JMJD1C: variants seen among roughly 807,000 people sequenced by gnomAD.
The protein encoded by JMJD1C is jumonji domain-containing protein 1C.
In JMJD1C, 31 loss-of-function variants were observed where a neutral mutation model predicts 245.3. That is an observed-to-expected ratio of 0.13 (90% CI 0.09 to 0.17). JMJD1C has a LOEUF of 0.17. Among genes scored for constraint, JMJD1C ranks in the 10% least tolerant of loss-of-function variants. The pLI is 1.00. For synonymous variants in JMJD1C, 1,057 were observed against 1,017.4 expected (o/e 1.04, Z -0.74); for missense variants, 2,691 against 3,000.2 (o/e 0.90, Z 2.41).
At chr10:63,222,210 G>T in intron 3 of JMJD1C, 1 of 763,668 alleles carries the variant, frequency 1.3e-6, no homozygotes, top group Non-Finnish European at 2.4e-6. Context: ...ACCATGTTCA[G>T]AGGAATTTAT....
At chr10:63,293,616 T>C (rs1449434713) in intron 2 of JMJD1C, among the ~76,000 whole-genome samples, 12 of 152,246 alleles carry the variant, frequency 7.9e-5, no homozygotes, top group Admixed American at 7.8e-4. Context: ...TCTAGCTGTC[T>C]AATTCTGCAT....
intron 1 of JMJD1C, among the ~76,000 whole-genome samples, chr10:63,390,326 C>G (rs1947955628): frequency 6.6e-6 from 1 of 152,008 alleles, no homozygotes; most frequent in African/African-American, 2.4e-5. Context: ...AAGATTGAAT[C>G]AGGAAGAAAT....
At chr10:63,501,604 C>G (rs1381995872) in intron 1 of JMJD1C, among the ~76,000 whole-genome samples, 1 of 152,006 alleles carries the variant, frequency 6.6e-6, no homozygotes, top group Non-Finnish European at 1.5e-5. Flanking sequence ...AGTGAAACCC[C>G]ATCTCTACTA....
Position 63,214,299 on chromosome 10 carries a change from A to G in JMJD1C, c.1868T>C (p.Ile623Thr), listed in dbSNP as rs183692723. 350 of 1,614,050 alleles carry G rather than the reference A, an allele frequency of 2.2e-4. 1 individual carries two copies. In the African/African-American group the frequency reaches 4.0e-3, roughly 18 times the overall value. Residue 623 changes from isoleucine (I) to threonine (T), a missense_variant, in exon 8 of 26, where the codon ATA becomes ACA. By Grantham distance (89) the Ile-to-Thr change is moderately conservative. Transcript: ENST00000399262. ...LHKRSPPPETIKSKLNTSVDT... is the reference protein window; with the variant it reads ...LHKRSPPPETTKSKLNTSVDT... The stretch of plus-strand genomic sequence containing the variant: ...TACTGAAGTATTAAGTTTAGATTTT[A>G]TAGTCTCTGGAGGTGGACTTCGCTT...
In JMJD1C at chr10:63,296,013, A is replaced by ATATATATATT. The variant is rs71025149; in HGVS notation, c.334-31250_334-31249insAATATATATA. Among the ~76,000 whole-genome samples the ATATATATATT allele has an allele frequency of 4.2e-4, 35 of 84,278 alleles. 2 individuals carry two copies. Among genetic ancestry groups the ATATATATATT allele is most frequent in the African/African-American group, 1.4e-3 (34 of 24,044 alleles). The allele number at this position is 84,278 out of a possible 152,430, so 55.3% of individuals were successfully genotyped here. A position where few individuals can be genotyped will look rare whatever the true frequency, so the allele number is the denominator to read the frequency against. Reference sequence around the variant, plus strand: ...TGTGTGTGTGTGTGTGTATATATATATTTTTTTTTTTTTCTTAGATGGAGT... The same window carrying ATATATATATT: ...TGTGTGTGTGTGTGTGTATATATATATATATATATTTTTTTTTTTTTTTCTTAGATGGAGT... On this transcript the variant is annotated intron_variant, in intron 2 of 25. Transcript: ENST00000399262.
intron 2 of JMJD1C, among the ~76,000 whole-genome samples, chr10:63,313,705 T>C (rs1939548806): frequency 6.6e-6 from 1 of 152,246 alleles, no homozygotes; most frequent in African/African-American, 2.4e-5. Context: ...TGAGCATTTT[T>C]TAATAAGTTT....
At chr10:63,400,547 T>C (rs1948786184) in intron 1 of JMJD1C, among the ~76,000 whole-genome samples, 1 of 152,150 alleles carries the variant, frequency 6.6e-6, no homozygotes, top group Non-Finnish European at 1.5e-5. Flanking sequence ...GTTCTTGAGT[T>C]TACTTTGTTC....
At chr10:63,505,241 A>T (rs1181379926) in intron 1 of JMJD1C, among the ~76,000 whole-genome samples, 2 of 148,288 alleles carry the variant, frequency 1.3e-5, no homozygotes, top group Admixed American at 6.9e-5. Flanking sequence ...GGCATGAACC[A>T]GGGAGGCGGA....
intron 2 of JMJD1C, among the ~76,000 whole-genome samples, chr10:63,315,134 T>C (rs978324384): frequency 2.6e-5 from 4 of 152,070 alleles, no homozygotes; most frequent in African/African-American, 7.2e-5. Flanking sequence ...TCAACTTTTA[T>C]TTTTGATTCA....
chr10:63,358,351 G>T (rs1945040310), intron 2 of JMJD1C, among the ~76,000 whole-genome samples: 1 of 151,846 alleles, frequency 6.6e-6, no homozygotes, highest in South Asian at 2.1e-4. Context: ...TAATTGTCAT[G>T]TTTGGATAAA....
At chr10:63,413,673 T>C (rs1011485829) in intron 1 of JMJD1C, among the ~76,000 whole-genome samples, 1 of 152,208 alleles carries the variant, frequency 6.6e-6, no homozygotes, top group South Asian at 2.1e-4. Context: ...ATTTTTTTCC[T>C]TGATAAGAAA....
At chr10:63,199,414 A>T (rs754405536) in intron 11 of JMJD1C, among the ~76,000 whole-genome samples, 3 of 152,138 alleles carry the variant, frequency 2.0e-5, no homozygotes, top group African/African-American at 4.8e-5. Context: ...GATACAAGTC[A>T]TACTGTATTT....
At chr10:63,440,977 A>C (rs1589753880) in intron 1 of JMJD1C, among the ~76,000 whole-genome samples, 2 of 152,190 alleles carry the variant, frequency 1.3e-5, no homozygotes, top group East Asian at 3.8e-4. Flanking sequence ...TCACTAACAC[A>C]AACAAGTAGG....
chr10:63,519,659 T>C (rs950653272), intron 1 of JMJD1C, among the ~76,000 whole-genome samples: 21 of 152,202 alleles, frequency 1.4e-4, no homozygotes, highest in Non-Finnish European at 5.9e-5. Context: ...AAACCAAGGA[T>C]GTCTTCATGG....
chr10:63,361,719 T>TAAAAAAAAAAAAAAAAAAAAAAAAAA (rs55879769), intron 2 of JMJD1C, among the ~76,000 whole-genome samples: 5 of 95,608 alleles, frequency 5.2e-5, no homozygotes, highest in African/African-American at 1.3e-4. Context: ...CTGTCTCAAC[T>TAAAAAAAAAAAAAAAAAAAAAAAAAA]AAAAAAAAAA....
chr10:63,171,834 T>C (rs1842400487), intron 24 of JMJD1C, among the ~76,000 whole-genome samples: 1 of 152,212 alleles, frequency 6.6e-6, no homozygotes, highest in African/African-American at 2.4e-5. Flanking sequence ...ACTGGAAGTG[T>C]TGAAGTCATT....
intron 2 of JMJD1C, among the ~76,000 whole-genome samples, chr10:63,345,436 CA>C (rs1354344182): frequency 7.1e-6 from 1 of 140,616 alleles, no homozygotes; most frequent in African/African-American, 2.7e-5. Context: ...TGCAGTGAGC[CA>C]AGATTGTGCC....
chr10:63,305,545 T>G (rs7896677), intron 2 of JMJD1C, among the ~76,000 whole-genome samples: 119,227 of 138,862 alleles, frequency 0.86, 51,973 homozygotes, highest in African/African-American at 0.96. Context: ...GCAAGGTTTG[T>G]CAGCCTCGAC....
At chr10:63,201,386 T>C (rs550404060) in intron 10 of JMJD1C, among the ~76,000 whole-genome samples, 2 of 152,232 alleles carry the variant, frequency 1.3e-5, no homozygotes, top group African/African-American at 4.8e-5. Context: ...TATTGATGAA[T>C]TAAAATAGCC....
Sources: gnomAD v4.1 joint callset for allele counts (sites outside exome capture counted in the v4.1 genomes callset) on GRCh38, gnomAD v4.1.1 for gene constraint, MANE v1.5 for transcripts, NCBI Gene and HGNC (gene_info 2026-07-23, HGNC 2026-07-21) for gene names.